Variants in DAAM2 observed in about 807,000 individuals in gnomAD.
DAAM2 encodes disheveled-associated activator of morphogenesis 2.
In DAAM2, 39 loss-of-function variants were observed where a neutral mutation model predicts 120.7. The ratio of observed to expected loss-of-function variants is 0.32; its 90% CI spans 0.25 to 0.42. The LOEUF (loss-of-function observed/expected upper bound fraction) is 0.42. Ranked by LOEUF, DAAM2 falls within the 10% of genes least tolerant of loss-of-function variation. DAAM2 has a pLI of 1.00. For synonymous variants in DAAM2, 488 were observed against 524.9 expected, an observed-to-expected ratio of 0.93 and a Z score of 0.96; for missense variants, 1,283 against 1,401.7, an observed-to-expected ratio of 0.92 and a Z score of 1.35.
At chr6:39,806,967 C>T (rs532077958) in intron 1 of DAAM2, among the ~76,000 whole-genome samples, 2 of 152,080 alleles carry the variant, frequency 1.3e-5, no homozygotes, top group East Asian at 3.9e-4. Context: ...TTGACACTAT[C>T]TGGTAAAACT....
In DAAM2 at chr6:39,864,385, C is replaced by A. The variant is rs369091249; in HGVS notation, c.259-48C>A. 4 of 1,460,392 alleles carry A rather than the reference C, an allele frequency of 2.7e-6. No individual in the cohort carries two copies. The Admixed American group carries it at 5.2e-5, about 19-fold the overall frequency. The allele number at this position is 1,460,392 out of a possible 1,614,324, so 90.5% of individuals were successfully genotyped here. On this transcript the variant is annotated intron_variant, in intron 3 of 24. Coordinates refer to ENST00000274867, the MANE Select transcript of DAAM2 (RefSeq NM_001201427.2). ...GAATGAAGCTCAGGATCTCAGGCCACGGGCCTGTCTTGCCTGTTGGTCCAT... is the reference window on the plus strand; with the variant it reads ...GAATGAAGCTCAGGATCTCAGGCCAAGGGCCTGTCTTGCCTGTTGGTCCAT...
At chr6:39,843,120 A>T (rs1181021476) in intron 1 of DAAM2, among the ~76,000 whole-genome samples, 3 of 152,182 alleles carry the variant, frequency 2.0e-5, no homozygotes, top group African/African-American at 4.8e-5. Context: ...TTGACAGATA[A>T]CAGTGTAGCA....
At chr6:39,823,058 A>T (rs1254552073) in intron 1 of DAAM2, 6 of 152,196 alleles carry the variant, frequency 3.9e-5, no homozygotes, top group Admixed American at 2.0e-4. Flanking sequence ...AATCATCTGA[A>T]TGACCACCAT....
intron 9 of DAAM2, 88 bp downstream of exon 9, chr6:39,871,660 GC>G: frequency 1.6e-6 from 2 of 1,284,666 alleles, no homozygotes; most frequent in Non-Finnish European, 2.2e-6. Context: ...CCGTGTTGTG[GC>G]AGGGCTGGTG....
intron 1 of DAAM2, among the ~76,000 whole-genome samples, chr6:39,855,459 A>G (rs1261692506): frequency 6.6e-6 from 1 of 152,178 alleles, no homozygotes; most frequent in Non-Finnish European, 1.5e-5. Flanking sequence ...CTGGTATGAA[A>G]AGAAAATCTG....
intron 1 of DAAM2, among the ~76,000 whole-genome samples, chr6:39,855,695 T>C (rs1763971712): frequency 6.6e-6 from 1 of 152,198 alleles, no homozygotes; most frequent in Non-Finnish European, 1.5e-5. Flanking sequence ...TCTGTAGTCT[T>C]CCGTCTTCCT....
chr6:39,813,096 A>G (rs1470172258), intron 1 of DAAM2, among the ~76,000 whole-genome samples: 1 of 151,520 alleles, frequency 6.6e-6, no homozygotes, highest in African/African-American at 2.4e-5. Context: ...ATCTGAGGGC[A>G]CTAACCGGAT....
At chr6:39,868,013 G>C (rs1022854203) in intron 6 of DAAM2, 170 bp downstream of exon 6, 7 of 640,326 alleles carry the variant, frequency 1.1e-5, no homozygotes, top group Non-Finnish European at 1.6e-5. Flanking sequence ...GACCTGGAAG[G>C]CTTGCATAAA....
intron 1 of DAAM2, among the ~76,000 whole-genome samples, chr6:39,801,914 G>A (rs1761875879): frequency 6.6e-6 from 1 of 152,238 alleles, no homozygotes; most frequent in Non-Finnish European, 1.5e-5. Context: ...TTCCAGGTCA[G>A]TGGGAAGATA....
At chr6:39,879,589 G>A (rs753100243) in intron 14 of DAAM2, 112 bp downstream of exon 14, 1 of 1,403,918 alleles carries the variant, frequency 7.1e-7, no homozygotes, top group South Asian at 1.2e-5. Context: ...TTTCTTTGGT[G>A]GGGGGTAAGG....
At chr6:39,870,174 AG>A (rs1764598874) in intron 7 of DAAM2, among the ~76,000 whole-genome samples, 165 bp from the exon 8 acceptor site, 1 of 152,116 alleles carries the variant, frequency 6.6e-6, no homozygotes, top group Non-Finnish European at 1.5e-5. Flanking sequence ...CTAAGAAATA[AG>A]GTCTCCATTC....
intron 1 of DAAM2, among the ~76,000 whole-genome samples, chr6:39,840,047 T>C (rs1763263953): frequency 3.3e-5 from 5 of 151,946 alleles, no homozygotes; most frequent in Admixed American, 3.3e-4. Flanking sequence ...GGCAACATGG[T>C]GAAACCCTGT....
intron 1 of DAAM2, among the ~76,000 whole-genome samples, chr6:39,855,501 T>G (rs530168009): frequency 6.6e-6 from 1 of 152,296 alleles, no homozygotes; most frequent in Non-Finnish European, 1.5e-5. Context: ...TGAGCAAATG[T>G]CAAATACCAT....
chr6:39,871,679 G>C, intron 9 of DAAM2, 107 bp downstream of exon 9: 1 of 1,014,456 alleles, frequency 9.9e-7, no homozygotes, highest in Non-Finnish European at 1.4e-6. Context: ...GTGTGGGCTG[G>C]TTCCCTGGTG....
At chr6:39,803,769 G>A (rs1761934394) in intron 1 of DAAM2, among the ~76,000 whole-genome samples, 1 of 152,174 alleles carries the variant, frequency 6.6e-6, no homozygotes, top group Non-Finnish European at 1.5e-5. Flanking sequence ...TGTGGGGTGG[G>A]GGCTGTGAGG....
Position 39,869,804 on chromosome 6 carries a change from TG to T in DAAM2, c.874-533del, listed in dbSNP as rs141205723. On this transcript the variant is annotated intron_variant, in intron 7 of 24. Transcript: ENST00000274867. ...TTAAAAACAATTTATCTTTATGCCC[TG>T]GGTTAGGGAAGGCCGGTTGGGGGAA... Among the ~76,000 whole-genome samples the T allele has an allele frequency of 7.4e-3, 1,063 of 144,482 alleles. 93 individuals carry two copies. The East Asian group carries it at 0.17, about 23-fold the overall frequency. The allele number at this position is 144,482 out of a possible 152,430, so 94.8% of individuals were successfully genotyped here.
intron 1 of DAAM2, among the ~76,000 whole-genome samples, chr6:39,795,771 T>C (rs1761681399): frequency 6.6e-6 from 1 of 152,174 alleles, no homozygotes; most frequent in South Asian, 2.1e-4. Flanking sequence ...AATGAAGATA[T>C]TCCATGAGCA....
intron 23 of DAAM2, among the ~76,000 whole-genome samples, chr6:39,900,879 C>A (rs1029201094): frequency 6.6e-6 from 1 of 152,132 alleles, no homozygotes; most frequent in African/African-American, 2.4e-5. Flanking sequence ...TCATCTAACC[C>A]CCCAACACCA....
chr6:39,899,948 T>TG (rs1766369374), intron 22 of DAAM2, 129 bp from the exon 23 acceptor site: 1 of 1,042,968 alleles, frequency 9.6e-7, no homozygotes, highest in South Asian at 1.7e-5. Flanking sequence ...CTTAGAACTT[T>TG]GAGATGCAGG....
Sources: allele counts gnomAD v4.1 joint callset (sites outside exome capture counted in the v4.1 genomes callset), GRCh38; gene constraint gnomAD v4.1.1; transcripts MANE v1.5; gene names NCBI Gene and HGNC (gene_info 2026-07-23, HGNC 2026-07-21).